TUSC3: variants seen among roughly 807,000 people sequenced by gnomAD.
The protein encoded by TUSC3 is tumor suppressor candidate 3, also known as dolichyl-diphosphooligosaccharide--protein glycosyltransferase subunit TUSC3.
TUSC3 carries 45 observed loss-of-function variants against 44.8 expected under a neutral mutation model. The ratio of observed to expected loss-of-function variants is 1.00; its 90% confidence interval spans 0.79 to 1.29. TUSC3 has a LOEUF of 1.29. TUSC3 is among the 50% of genes most tolerant of loss of function. TUSC3 has a pLI of 0.00. For synonymous variants in TUSC3, 212 were observed against 152.9 expected, an observed-to-expected ratio of 1.39 and a Z score of -2.85; for missense variants, 519 against 437.9, an observed-to-expected ratio of 1.19 and a Z score of -1.65.
intron 3 of TUSC3, among the ~76,000 whole-genome samples, chr8:15,655,685 C>A (rs1466318404): frequency 6.6e-6 from 1 of 152,154 alleles, no homozygotes; most frequent in East Asian, 1.9e-4. Context: ...TGAATTCTTT[C>A]CTTTGAGGAG....
chr8:15,827,995 T>G, the TUSC3 span, among the ~76,000 whole-genome samples: 2 of 4,016 alleles, frequency 5.0e-4, no homozygotes, highest in Non-Finnish European at 1.4e-3. Context: ...ATTTGGTATC[T>G]TTTTTTTTTT....
downstream of TUSC3, among the ~76,000 whole-genome samples, chr8:15,768,282 A>C (rs1812382110): frequency 6.6e-6 from 1 of 152,164 alleles, no homozygotes; most frequent in African/African-American, 2.4e-5. Flanking sequence ...TAAACAAATC[A>C]CTGCTACATA....
At position 15,564,920 on chromosome 8, in the gene TUSC3, C is replaced by G. The variant is rs17611979; in HGVS notation, c.138+24352C>G. The stretch of plus-strand genomic sequence containing the variant: ...GAAGAGAAGGAGAGAGGCCACTGTT[C>G]TTTACAGAGAGCTGAGGCAGATTCA... On this transcript the variant is annotated intron_variant, in intron 1 of 10. Coordinates refer to ENST00000503731, the MANE Select transcript of TUSC3 (RefSeq NM_006765.4). Among the ~76,000 whole-genome samples, 530 of 152,220 alleles carry G rather than the reference C, an allele frequency of 3.5e-3. 6 individuals are homozygous for G. The East Asian group carries it at 0.038, about 11-fold the overall frequency.
intron 5 of TUSC3, among the ~76,000 whole-genome samples, chr8:15,669,995 TA>T (rs34401749): frequency 0.43 from 65,720 of 151,416 alleles, 14,904 homozygotes; most frequent in Non-Finnish European, 0.5. Flanking sequence ...TAATGCATCA[TA>T]AAAAAAGGAA....
chr8:15,555,885 T>C (rs539031906), intron 1 of TUSC3, among the ~76,000 whole-genome samples: 1 of 151,706 alleles, frequency 6.6e-6, no homozygotes, highest in Non-Finnish European at 1.5e-5. Flanking sequence ...AATGTTGATT[T>C]ATAATAATTT....
intron 1 of TUSC3, among the ~76,000 whole-genome samples, chr8:15,465,856 G>T (rs184370524): frequency 2.6e-5 from 4 of 152,208 alleles, no homozygotes; most frequent in African/African-American, 2.4e-5. Context: ...TAGGTTCAAG[G>T]TGTCTTCAAA....
intron 1 of TUSC3, among the ~76,000 whole-genome samples, chr8:15,474,546 C>T (rs1015155504): frequency 6.6e-6 from 1 of 152,080 alleles, no homozygotes; most frequent in Non-Finnish European, 1.5e-5. Context: ...AATTAAATCT[C>T]ACTAGGTGTA....
chr8:15,461,873 A>G (rs955477174), intron 1 of TUSC3, among the ~76,000 whole-genome samples: 11 of 152,086 alleles, frequency 7.2e-5, no homozygotes, highest in Non-Finnish European at 1.5e-4. Context: ...TTATTTTAAA[A>G]TTTACTAAAC....
rs547203426 is a variant in TUSC3 at position 15,526,832 on chromosome 8, G to C, written n.189+43349G>C. Among the ~76,000 whole-genome samples, 5 of 152,288 alleles carry C rather than the reference G, an allele frequency of 3.3e-5. No homozygotes were observed. The East Asian group carries it at 7.7e-4, about 24-fold the overall frequency. ...CGTTTGAAGTCTCAGTGTTGAGGGA[G>C]ACTAGGGGTGGCTTTCAGAAAAACA... On this transcript the variant is annotated intron_variant and non_coding_transcript_variant, in intron 2 of 5. Coordinates refer to the TUSC3 transcript ENST00000503191.
intron 1 of TUSC3, among the ~76,000 whole-genome samples, chr8:15,600,384 A>G (rs530097886): frequency 7.2e-5 from 11 of 151,904 alleles, no homozygotes; most frequent in Non-Finnish European, 1.6e-4. Context: ...TTTGATTAGG[A>G]TGTCAGTAGG....
chr8:15,786,700 T>C, the TUSC3 span, among the ~76,000 whole-genome samples: 1 of 151,846 alleles, frequency 6.6e-6, no homozygotes, highest in Non-Finnish European at 1.5e-5. Context: ...ATCCCAGCAC[T>C]TTGGGTGGCC....
At chr8:15,733,344 T>C (rs561870100) in intron 7 of TUSC3, 21 of 400,974 alleles carry the variant, frequency 5.2e-5, no homozygotes, top group South Asian at 3.5e-4. Context: ...TATTATAGCT[T>C]CTTTTTGTTT....
chr8:15,739,382 G>T (rs1284177279), intron 7 of TUSC3, among the ~76,000 whole-genome samples: 1 of 152,184 alleles, frequency 6.6e-6, no homozygotes, highest in South Asian at 2.1e-4. Context: ...AATGATAATT[G>T]ATGATTTGCT....
rs187770384 is a variant in TUSC3, at chr8:15,747,364, T to C, written c.938-1011T>C. Among the ~76,000 whole-genome samples, 109 of 152,130 alleles carry C rather than the reference T, an allele frequency of 7.2e-4. 2 individuals carry two copies. The highest frequency in any genetic ancestry group is 1.5e-3 in the Admixed American group (23 of 15,276). Reference sequence around the variant, plus strand: ...TTCTCTGAAGTGAATAAAAGGTGTATTGTGCAAATTATGTGTTCTTAAAAG... The same window carrying C: ...TTCTCTGAAGTGAATAAAAGGTGTACTGTGCAAATTATGTGTTCTTAAAAG... On this transcript the variant is annotated intron_variant, in intron 8 of 10. Coordinates refer to ENST00000503731, the MANE Select transcript of TUSC3 (RefSeq NM_006765.4).
chr8:15,622,665 G>A (rs1805302888), intron 1 of TUSC3, among the ~76,000 whole-genome samples: 1 of 152,130 alleles, frequency 6.6e-6, no homozygotes, highest in South Asian at 2.1e-4. Flanking sequence ...TTGTGGGGGT[G>A]GTTGTGAGGT....
chr8:15,609,525 A>C (rs142263772), intron 1 of TUSC3, among the ~76,000 whole-genome samples: 14 of 152,286 alleles, frequency 9.2e-5, no homozygotes, highest in Non-Finnish European at 4.4e-5. Flanking sequence ...ACAGAAGGAT[A>C]TGAAAGAGTT....
At chr8:15,850,034 C>G in the TUSC3 span, among the ~76,000 whole-genome samples, 1 of 151,760 alleles carries the variant, frequency 6.6e-6, no homozygotes, top group South Asian at 2.1e-4. Context: ...CCTCGGGGGC[C>G]CCTATTTCTA....
chr8:15,706,500 C>G (rs1809620578), intron 6 of TUSC3, among the ~76,000 whole-genome samples: 1 of 151,910 alleles, frequency 6.6e-6, no homozygotes, highest in Non-Finnish European at 1.5e-5. Context: ...TATTATCATT[C>G]AGACAGATGT....
the TUSC3 span, among the ~76,000 whole-genome samples, chr8:15,807,853 G>A: frequency 6.6e-6 from 1 of 152,166 alleles, no homozygotes; most frequent in East Asian, 1.9e-4. Context: ...TAGACACTGG[G>A]GACTCACAGA....
Sources: allele counts gnomAD v4.1 joint callset (sites outside exome capture counted in the v4.1 genomes callset), GRCh38; gene constraint gnomAD v4.1.1; transcripts MANE v1.5; gene names NCBI Gene and HGNC (gene_info 2026-07-23, HGNC 2026-07-21).